The following TTC28 variants were observed in gnomAD, a reference collection of about 807,000 sequenced individuals.
The protein encoded by TTC28 is tetratricopeptide repeat domain 28, also known as tetratricopeptide repeat protein 28.
In TTC28, 61 loss-of-function variants were observed where a neutral mutation model predicts 198.0. The observed-to-expected ratio is 0.31, with a 90% confidence interval of 0.25 to 0.38. The LOEUF (loss-of-function observed/expected upper bound fraction) is 0.38. Among genes scored for constraint, TTC28 ranks in the 10% least tolerant of loss-of-function variants. TTC28 has a pLI of 1.00. For synonymous variants in TTC28, 1,171 were observed against 1,297.8 expected, an observed-to-expected ratio of 0.90 and a Z score of 2.10; for missense variants, 2,678 against 3,164.0, an observed-to-expected ratio of 0.85 and a Z score of 3.69.
chr22:28,623,074 C>T (rs1360356082), intron 2 of TTC28, among the ~76,000 whole-genome samples: 2 of 152,126 alleles, frequency 1.3e-5, no homozygotes, highest in Non-Finnish European at 2.9e-5. Flanking sequence ...CCACCCACCT[C>T]GGCCTCCCAA....
chr22:28,536,619 G>A (rs778010947), intron 2 of TTC28, among the ~76,000 whole-genome samples: 3 of 151,862 alleles, frequency 2.0e-5, no homozygotes, highest in Admixed American at 1.3e-4. Flanking sequence ...GCGAGACTCC[G>A]TCTCAAAAAA....
intron 2 of TTC28, among the ~76,000 whole-genome samples, chr22:28,486,834 A>T (rs2095524495): frequency 6.6e-6 from 1 of 152,198 alleles, no homozygotes; most frequent in Non-Finnish European, 1.5e-5. Context: ...TCATTGTGAG[A>T]TTAAAGATCA....
At chr22:28,060,140 C>T (rs1400611227) in intron 12 of TTC28, among the ~76,000 whole-genome samples, 2 of 151,978 alleles carry the variant, frequency 1.3e-5, no homozygotes, top group African/African-American at 4.8e-5. Context: ...GGTACATGTG[C>T]ACAATGTGCA....
intron 1 of TTC28, among the ~76,000 whole-genome samples, chr22:28,636,315 C>T (rs943327050): frequency 6.6e-5 from 10 of 151,598 alleles, no homozygotes; most frequent in Admixed American, 4.6e-4. Context: ...TTAGTAGAGA[C>T]GGGGTTTCAC....
At chr22:28,507,436 G>T (rs766119630) in intron 2 of TTC28, among the ~76,000 whole-genome samples, 1 of 152,138 alleles carries the variant, frequency 6.6e-6, no homozygotes, top group Non-Finnish European at 1.5e-5. Flanking sequence ...TGACTGACTG[G>T]GGTTCCTGAA....
intron 13 of TTC28, among the ~76,000 whole-genome samples, chr22:28,019,745 G>A (rs569351879): frequency 1.2e-4 from 18 of 152,208 alleles, no homozygotes; most frequent in Non-Finnish European, 2.2e-4. Context: ...CAGGCCTTTC[G>A]CCCTGGCTGA....
At chr22:28,593,696 T>C (rs1021363559) in intron 2 of TTC28, among the ~76,000 whole-genome samples, 2 of 152,212 alleles carry the variant, frequency 1.3e-5, no homozygotes, top group South Asian at 2.1e-4. Flanking sequence ...ACTCTTTTTG[T>C]ACCTTCTTAA....
intron 2 of TTC28, among the ~76,000 whole-genome samples, chr22:28,437,271 C>T (rs186918708): frequency 1.2e-4 from 18 of 152,010 alleles, no homozygotes; most frequent in African/African-American, 4.3e-4. Context: ...TTAGTAGAGA[C>T]GGGGTTTCAA....
chr22:28,583,994 T>G (rs573976302), intron 2 of TTC28, among the ~76,000 whole-genome samples: 137 of 150,236 alleles, frequency 9.1e-4, no homozygotes, highest in African/African-American at 3.3e-3. Context: ...GTTTTTTTTT[T>G]GTTTTGTTTT....
At chr22:28,514,915 C>T (rs1008261401) in intron 2 of TTC28, among the ~76,000 whole-genome samples, 21 of 152,170 alleles carry the variant, frequency 1.4e-4, no homozygotes, top group Admixed American at 8.5e-4. Context: ...CTCCCTATCC[C>T]CTAATAAATA....
At chr22:28,567,479 C>CACATATATAT (rs2049991962) in intron 2 of TTC28, among the ~76,000 whole-genome samples, 1 of 51,128 alleles carries the variant, frequency 2.0e-5, no homozygotes, top group African/African-American at 7.0e-5. Context: ...TACATACATA[C>CACATATATAT]ATATATATAT....
At chr22:28,633,499 G>A (rs939925075) in intron 1 of TTC28, among the ~76,000 whole-genome samples, 59 of 151,912 alleles carry the variant, frequency 3.9e-4, no homozygotes, top group Admixed American at 2.1e-3. Context: ...TGGGTGACAC[G>A]CACCTGTATT....
intron 2 of TTC28, among the ~76,000 whole-genome samples, chr22:28,561,075 T>A (rs2049868501): frequency 1.5e-5 from 2 of 131,182 alleles, no homozygotes; most frequent in Non-Finnish European, 3.2e-5. Flanking sequence ...TCATTTTCTT[T>A]TTTTTTTTTT....
Position 28,629,846 on chromosome 22 carries a change from C to A in TTC28, c.103-16G>T. 1.3e-6 allele frequency: 2 copies of A among 1,537,108 alleles called. No individual in the cohort carries two copies. The highest frequency in any genetic ancestry group is 1.8e-6 in the Non-Finnish European group (2 of 1,140,972). ...AGAGAGGAATCTACAAACAAAGAAA[C>A]TTTATCAGAAAAAGTTCAGATAATC... On this transcript the variant is annotated splice_polypyrimidine_tract_variant and intron_variant, in intron 1 of 22. Transcript: ENST00000397906.
intron 2 of TTC28, among the ~76,000 whole-genome samples, chr22:28,590,034 C>CAAAAAA (rs71194779): frequency 1.5e-4 from 10 of 68,046 alleles, no homozygotes; most frequent in African/African-American, 2.1e-4. Flanking sequence ...AAGACTCCAT[C>CAAAAAA]AAAAAAAAAA....
intron 19 of TTC28, among the ~76,000 whole-genome samples, chr22:27,991,832 G>A (rs886303357): frequency 4.6e-5 from 7 of 152,172 alleles, no homozygotes; most frequent in Non-Finnish European, 1.0e-4. Flanking sequence ...GCTAAGAACT[G>A]GAACCCGCCG....
At chr22:28,460,765 C>T (rs1034080671) in intron 2 of TTC28, among the ~76,000 whole-genome samples, 19 of 152,068 alleles carry the variant, frequency 1.2e-4, no homozygotes, top group African/African-American at 3.9e-4. Flanking sequence ...CTCCCTACAG[C>T]CTTGACTTCC....
rs1390236049 is a variant in TTC28 at position 28,001,401 on chromosome 22, G to A, written c.4371C>T (p.Ser1457=). 3 of 1,551,096 alleles carry A rather than the reference G, an allele frequency of 1.9e-6. No individual in the cohort carries two copies. Among genetic ancestry groups the A allele is most frequent in the Admixed American group, 2.0e-5 (1 of 50,980 alleles). The change falls in exon 15 of 23, where the codon TCC becomes TCT. Residue 1457 remains serine, a synonymous_variant. Transcript: ENST00000397906. The part of the protein sequence containing the change: ...YERFGLLAVP[S]IRSLSVQSKS... ...TGGACTGCACGCTGAGGGAGCGGAT[G>A]GAAGGGACAGCAAGGAGGCCGAAGC...
chr22:28,040,391 G>A (rs184492889), intron 12 of TTC28, among the ~76,000 whole-genome samples: 10 of 152,274 alleles, frequency 6.6e-5, no homozygotes, highest in Admixed American at 2.6e-4. Context: ...TATCCACCAC[G>A]ATCAAGTCGT....
Sources: gnomAD v4.1 joint callset for allele counts (sites outside exome capture counted in the v4.1 genomes callset) on GRCh38, gnomAD v4.1.1 for gene constraint, MANE v1.5 for transcripts, NCBI Gene and HGNC (gene_info 2026-07-23, HGNC 2026-07-21) for gene names.